CHSY3: variants seen among roughly 807,000 people sequenced by gnomAD.
CHSY3 encodes the protein chondroitin sulfate synthase 3.
A neutral mutation model predicts 67.2 loss-of-function variants in CHSY3; 35 were observed. The ratio of observed to expected loss-of-function variants is 0.52; its 90% CI spans 0.40 to 0.69. CHSY3 has a LOEUF of 0.69. CHSY3 is among the 30% of genes least tolerant of loss of function. The pLI is 0.00. For missense variants in CHSY3, 1,069 were observed against 1,138.5 expected, an observed-to-expected ratio of 0.94 and a Z score of 0.88; for synonymous variants, 474 against 434.7, an observed-to-expected ratio of 1.09 and a Z score of -1.12.
chr5:130,004,272 G>A (rs1288365290), intron 2 of CHSY3, among the ~76,000 whole-genome samples: 6 of 152,054 alleles, frequency 3.9e-5, no homozygotes, highest in East Asian at 3.8e-4. Context: ...ACTGAACCAC[G>A]CAACATAAAG....
rs1352755985 is a variant in CHSY3, at chr5:130,128,198, T to C, written c.1087-56031T>C. 2.0e-5 allele frequency among the ~76,000 whole-genome samples: 3 copies of C among 150,816 alleles called. No homozygotes were observed. In the East Asian group the frequency reaches 5.8e-4, roughly 29 times the overall value. On this transcript the variant is annotated intron_variant, in intron 2 of 2. Transcript: ENST00000305031. ...AGATGAACAAGATTAAAAAATATTT[T>C]TAGTAGCCAAGATGTGGAAGAAGAA...
intron 2 of CHSY3, among the ~76,000 whole-genome samples, chr5:130,024,289 G>A (rs967603435): frequency 6.6e-6 from 1 of 151,710 alleles, no homozygotes; most frequent in Middle Eastern, 3.2e-3. Context: ...TTCCATTATT[G>A]ATATAATCTA....
intron 2 of CHSY3, among the ~76,000 whole-genome samples, chr5:129,946,826 T>C (rs1288192510): frequency 6.6e-6 from 1 of 152,190 alleles, no homozygotes; most frequent in Non-Finnish European, 1.5e-5. Context: ...CATTCATTTA[T>C]CCACTAACAG....
chr5:130,100,155 G>A (rs950307828), intron 2 of CHSY3, among the ~76,000 whole-genome samples: 5 of 152,054 alleles, frequency 3.3e-5, no homozygotes, highest in Non-Finnish European at 5.9e-5. Flanking sequence ...ACATAAAAAG[G>A]AAGCTTTCAA....
chr5:130,146,468 AG>A (rs1323310533), intron 2 of CHSY3, among the ~76,000 whole-genome samples: 2 of 152,148 alleles, frequency 1.3e-5, no homozygotes, highest in African/African-American at 4.8e-5. Context: ...AGGGAGATGA[AG>A]GGGGAGAGGC....
At chr5:130,027,060 C>T (rs1478817591) in intron 2 of CHSY3, among the ~76,000 whole-genome samples, 1 of 152,106 alleles carries the variant, frequency 6.6e-6, no homozygotes, top group Non-Finnish European at 1.5e-5. Context: ...GGAACACTGA[C>T]TAAATTTGTG....
intron 2 of CHSY3, among the ~76,000 whole-genome samples, chr5:130,118,537 A>G (rs2149707653): frequency 6.6e-6 from 1 of 151,650 alleles, no homozygotes. Flanking sequence ...ATGTGTGTGT[A>G]TGTGTATGTA....
At chr5:129,990,034 T>C (rs1763314604) in intron 2 of CHSY3, among the ~76,000 whole-genome samples, 1 of 152,170 alleles carries the variant, frequency 6.6e-6, no homozygotes, top group South Asian at 2.1e-4. Flanking sequence ...AAAATATTGC[T>C]TAATAGATAA....
intron 2 of CHSY3, among the ~76,000 whole-genome samples, chr5:130,023,127 C>T (rs1764440330): frequency 6.6e-6 from 1 of 151,854 alleles, no homozygotes; most frequent in Non-Finnish European, 1.5e-5. Flanking sequence ...GATTTTCACT[C>T]TTAGATAATG....
chr5:130,110,509 T>C (rs1767558074), intron 2 of CHSY3, among the ~76,000 whole-genome samples: 1 of 151,980 alleles, frequency 6.6e-6, no homozygotes, highest in South Asian at 2.1e-4. Context: ...AACCACAGTC[T>C]AATCTTTGGC....
At chr5:130,019,481 G>T (rs990444441) in intron 2 of CHSY3, among the ~76,000 whole-genome samples, 1 of 151,974 alleles carries the variant, frequency 6.6e-6, no homozygotes, top group African/African-American at 2.4e-5. Context: ...AATATCACTT[G>T]GTCCCATCAC....
Position 130,184,228 on chromosome 5 carries a change from G to T in CHSY3, c.1087-1G>T. ...CTGATTTTTTTAATTTTACTTTTCA[G>T]ATGCAACAACTGTTCCATGAAAATT... On this transcript the variant is annotated splice_acceptor_variant, in intron 2 of 2. Transcript: ENST00000305031. LOFTEE classifies it high-confidence loss of function. 2 of 1,463,284 alleles carry T rather than the reference G, an allele frequency of 1.4e-6. No homozygotes were observed. The highest frequency in any genetic ancestry group is 1.6e-5 in the South Asian group (1 of 61,930). 90.6% of individuals were successfully genotyped at this position (1,463,284 alleles called of 1,614,324 possible).
At chr5:129,962,193 A>G (rs948179626) in intron 2 of CHSY3, among the ~76,000 whole-genome samples, 4 of 151,956 alleles carry the variant, frequency 2.6e-5, no homozygotes, top group Non-Finnish European at 5.9e-5. Flanking sequence ...CAACACTACT[A>G]TGGCTGAACG....
chr5:130,029,042 G>T (rs1026045779), intron 2 of CHSY3, among the ~76,000 whole-genome samples: 3 of 151,728 alleles, frequency 2.0e-5, no homozygotes, highest in Non-Finnish European at 2.9e-5. Flanking sequence ...CTGTGTGTTG[G>T]ATATGATTCT....
At chr5:130,159,129 C>T (rs1386796209) in intron 2 of CHSY3, among the ~76,000 whole-genome samples, 1 of 143,000 alleles carries the variant, frequency 7.0e-6, no homozygotes, top group Non-Finnish European at 1.5e-5. Flanking sequence ...AACATTAAAA[C>T]ATTTATTTCT....
intron 2 of CHSY3, among the ~76,000 whole-genome samples, chr5:130,172,416 G>A (rs950468082): frequency 5.4e-5 from 8 of 148,130 alleles, no homozygotes; most frequent in East Asian, 2.0e-4. Context: ...CTGCAGCCTC[G>A]AACTCCCAGG....
intron 2 of CHSY3, among the ~76,000 whole-genome samples, chr5:130,178,484 C>T (rs1348424360): frequency 6.6e-6 from 1 of 151,718 alleles, no homozygotes; most frequent in Non-Finnish European, 1.5e-5. Context: ...CATCTCCTGA[C>T]CTCGTGATCC....
At chr5:130,089,015 A>G (rs1346832877) in intron 2 of CHSY3, among the ~76,000 whole-genome samples, 7 of 152,076 alleles carry the variant, frequency 4.6e-5, no homozygotes, top group Admixed American at 3.3e-4. Flanking sequence ...AATGTGGCAC[A>G]TATACACCAT....
At chr5:129,905,916 G>A (rs1394753645) in intron 1 of CHSY3, 1 of 576,810 alleles carries the variant, frequency 1.7e-6, no homozygotes, top group Admixed American at 3.5e-5. Context: ...TCTTTACCTC[G>A]TCGGAGAGGT....
Sources: allele counts gnomAD v4.1 joint callset (sites outside exome capture counted in the v4.1 genomes callset), GRCh38; gene constraint gnomAD v4.1.1; transcripts MANE v1.5; gene names NCBI Gene and HGNC (gene_info 2026-07-23, HGNC 2026-07-21).